ANXA2: variants seen among roughly 807,000 people sequenced by gnomAD.
ANXA2 encodes annexin II.
ANXA2 carries 28 observed loss-of-function variants against 47.3 expected under a neutral mutation model. The observed-to-expected ratio is 0.59, with a 90% CI of 0.44 to 0.81. ANXA2 has a LOEUF of 0.81. ANXA2 is among the 40% of genes least tolerant of loss of function. The pLI, the probability that ANXA2 is intolerant of heterozygous loss-of-function variation, is 0.00. For missense variants in ANXA2, 384 were observed against 414.3 expected (o/e 0.93, Z 0.64); for synonymous variants, 172 against 155.5 (o/e 1.11, Z -0.79).
intron 1 of ANXA2, among the ~76,000 whole-genome samples, chr15:60,391,568 C>T (rs1276168493): frequency 1.3e-5 from 2 of 152,090 alleles, no homozygotes; most frequent in African/African-American, 4.8e-5. Flanking sequence ...ACCTATGAGC[C>T]AAAATGATTG....
intron 3 of ANXA2, among the ~76,000 whole-genome samples, chr15:60,366,415 G>C (rs1413129986): frequency 1.3e-5 from 2 of 150,238 alleles, no homozygotes; most frequent in African/African-American, 2.5e-5. Context: ...ATCTCTGCGC[G>C]GCCGCCCATC....
intron 1 of ANXA2, among the ~76,000 whole-genome samples, chr15:60,392,813 T>G (rs1189778493): frequency 6.6e-6 from 1 of 152,170 alleles, no homozygotes. Context: ...CAGGGACTGG[T>G]GATTCAAATG....
intron 11 of ANXA2, 67 bp from the exon 12 acceptor site, chr15:60,349,264 T>A: frequency 1.3e-6 from 2 of 1,569,220 alleles, no homozygotes; most frequent in Non-Finnish European, 1.7e-6. Context: ...CGTCTACAGG[T>A]TGAGCATCCC....
intron 1 of ANXA2, chr15:60,391,204 G>A (rs1424191467): frequency 6.6e-6 from 1 of 152,274 alleles, no homozygotes; most frequent in Admixed American, 6.5e-5. Flanking sequence ...CCAAAACCCA[G>A]ATCCCCAGAC....
intron 3 of ANXA2, among the ~76,000 whole-genome samples, chr15:60,368,990 A>G (rs555022269): frequency 2.0e-5 from 3 of 152,174 alleles, no homozygotes; most frequent in African/African-American, 7.2e-5. Context: ...TTCTCTTTCT[A>G]TTTCATAAGT....
intron 5 of ANXA2, 142 bp from the exon 6 acceptor site, chr15:60,357,378 AC>A (rs2062447427): frequency 1.7e-6 from 1 of 579,148 alleles, no homozygotes; most frequent in East Asian, 2.9e-5. Flanking sequence ...AAGAATCTAT[AC>A]TCCTACCCCT....
At chr15:60,361,804 C>T (rs1423830659) in intron 4 of ANXA2, among the ~76,000 whole-genome samples, 1 of 152,034 alleles carries the variant, frequency 6.6e-6, no homozygotes, top group African/African-American at 2.4e-5. Context: ...AGACAGACAC[C>T]CCAACTCAAT....
intron 1 of ANXA2, 124 bp downstream of exon 1, chr15:60,397,819 G>GC: frequency 7.4e-7 from 1 of 1,350,906 alleles, no homozygotes; most frequent in Non-Finnish European, 9.5e-7. Context: ...TCAGCCCCCT[G>GC]CCCCCGACGG....
chr15:60,367,624 C>T (rs1344657330), intron 3 of ANXA2, among the ~76,000 whole-genome samples: 4,240 of 57,042 alleles, frequency 0.074, no homozygotes, highest in Admixed American at 0.11. Context: ...CGCCTCTGCC[C>T]GGCCGCCCCT....
At chr15:60,382,282 G>C in intron 3 of ANXA2, 60 bp downstream of exon 3, 1 of 1,351,014 alleles carries the variant, frequency 7.4e-7, no homozygotes, top group African/African-American at 1.4e-5. Context: ...GGAGAATAAA[G>C]AGACAACCAA....
chr15:60,366,221 C>T (rs1595679801), intron 3 of ANXA2, among the ~76,000 whole-genome samples: 1 of 150,482 alleles, frequency 6.6e-6, no homozygotes, highest in East Asian at 2.0e-4. Context: ...AGCCGCCTGC[C>T]TTGGCCTCCC....
At chr15:60,361,867 T>C (rs1037626841) in intron 4 of ANXA2, among the ~76,000 whole-genome samples, 2 of 152,060 alleles carry the variant, frequency 1.3e-5, no homozygotes, top group South Asian at 2.1e-4. Context: ...TCATGGCTGA[T>C]GACTGAAGCC....
At chr15:60,355,530 C>A in intron 7 of ANXA2, 1 of 331,378 alleles carries the variant, frequency 3.0e-6, no homozygotes. Context: ...ACTATATGGG[C>A]AAATTCTTCC....
chr15:60,395,087 A>G (rs1296303247), intron 1 of ANXA2, among the ~76,000 whole-genome samples: 1 of 152,222 alleles, frequency 6.6e-6, no homozygotes, highest in Non-Finnish European at 1.5e-5. Context: ...AACTTCCCCG[A>G]GGTAGGTAAA....
intron 11 of ANXA2, 54 bp downstream of exon 11, chr15:60,351,139 A>C: frequency 6.3e-7 from 1 of 1,593,592 alleles, no homozygotes; most frequent in South Asian, 1.1e-5. Flanking sequence ...TTTGGGACCC[A>C]AAAGAAGAAA....
At chr15:60,378,191 A>C (rs555829369) in intron 3 of ANXA2, among the ~76,000 whole-genome samples, 12 of 152,324 alleles carry the variant, frequency 7.9e-5, no homozygotes, top group African/African-American at 2.6e-4. Flanking sequence ...ATTTAAGGTG[A>C]ATGGATGTTA....
chr15:60,380,259 T>C (rs935239433), intron 3 of ANXA2, among the ~76,000 whole-genome samples: 1 of 152,076 alleles, frequency 6.6e-6, no homozygotes, highest in Non-Finnish European at 1.5e-5. Context: ...GGTGGGAACT[T>C]TGATTAGCAC....
At chr15:60,380,802 C>CT (rs2062847492) in intron 3 of ANXA2, among the ~76,000 whole-genome samples, 1 of 69,908 alleles carries the variant, frequency 1.4e-5, no homozygotes, top group Non-Finnish European at 2.4e-5. Flanking sequence ...GAAACTCCAT[C>CT]TCAAAAAAAA....
rs983397419 is a variant in ANXA2 at position 60,352,883 on chromosome 15, C to T, written c.589-407G>A. 6.6e-6 allele frequency among the ~76,000 whole-genome samples: 1 copy of T among 152,190 alleles called. No individual in the cohort carries two copies. Among genetic ancestry groups the T allele is most frequent in the Non-Finnish European group, 1.5e-5 (1 of 68,036 alleles). ...CAGCTACAGACCAGGCTCTCATTCT[C>T]AAGCTTCTCAGAGACTCAGGGAGTG... On this transcript the variant is annotated intron_variant, in intron 8 of 12. Coordinates refer to ENST00000451270, the MANE Select transcript of ANXA2 (RefSeq NM_004039.3). This position sits in a 1 kb window ranked among gnomAD's most constrained non-coding sequence, Gnocchi z 4.2.
Sources: allele counts gnomAD v4.1 joint callset (sites outside exome capture counted in the v4.1 genomes callset), GRCh38; gene constraint gnomAD v4.1.1; non-coding constraint Gnocchi (gnomAD v3.1); transcripts MANE v1.5; gene names NCBI Gene and HGNC (gene_info 2026-07-23, HGNC 2026-07-21).